The following RFX8 variants were observed in gnomAD, a reference collection of about 807,000 sequenced individuals.
The protein encoded by RFX8 is DNA-binding protein RFX8.
RFX8 carries 46 observed loss-of-function variants against 54.6 expected under a neutral mutation model. The observed-to-expected ratio is 0.84, with a 90% CI of 0.67 to 1.08. The LOEUF is 1.08. Ranked by LOEUF, RFX8 falls within the 50% of genes least tolerant of loss-of-function variation. RFX8 has a pLI of 0.00. For missense variants in RFX8, 536 were observed against 562.3 expected (o/e 0.95, Z 0.47); for synonymous variants, 192 against 209.5 (o/e 0.92, Z 0.72).
chr2:101,433,253 C>G (rs1687592966), intron 2 of RFX8, among the ~76,000 whole-genome samples: 1 of 152,128 alleles, frequency 6.6e-6, no homozygotes, highest in African/African-American at 2.4e-5. Context: ...TTTTCCAGCT[C>G]TCACTGGAAC....
At chr2:101,435,429 G>A (rs1687725847) in intron 2 of RFX8, among the ~76,000 whole-genome samples, 1 of 152,200 alleles carries the variant, frequency 6.6e-6, no homozygotes, top group Non-Finnish European at 1.5e-5. Context: ...GGGGATTCAT[G>A]TTTGGAAAAT....
At chr2:101,452,261 G>A in intron 2 of RFX8, 1 of 524,622 alleles carries the variant, frequency 1.9e-6, no homozygotes, top group Non-Finnish European at 3.3e-6. Context: ...TGCGAATTGT[G>A]GACACTCTTT....
intron 2 of RFX8, among the ~76,000 whole-genome samples, chr2:101,426,562 T>C (rs1687181610): frequency 6.6e-6 from 1 of 152,116 alleles, no homozygotes; most frequent in Admixed American, 6.5e-5. Context: ...ATGACAAATA[T>C]GTATAAACAA....
chr2:101,434,735 A>C (rs201838104), intron 2 of RFX8: 1 of 13,970 alleles, frequency 7.2e-5, no homozygotes, highest in African/African-American at 1.2e-4. Context: ...ACAGCAACCA[A>C]GGTAATACAT....
At chr2:101,440,921 C>T (rs4851441) in intron 2 of RFX8, among the ~76,000 whole-genome samples, 113,710 of 150,286 alleles carry the variant, frequency 0.76, 44,000 homozygotes, top group Middle Eastern at 0.88. Flanking sequence ...ATATAAGGTC[C>T]TTGTTATGGT....
intron 2 of RFX8, among the ~76,000 whole-genome samples, chr2:101,463,812 G>A (rs1689421389): frequency 6.6e-6 from 1 of 152,206 alleles, no homozygotes; most frequent in African/African-American, 2.4e-5. Context: ...AGGAGGCAGA[G>A]GGAGGGAAGA....
At chr2:101,468,344 G>A (rs916092872) in intron 1 of RFX8, among the ~76,000 whole-genome samples, 2 of 152,168 alleles carry the variant, frequency 1.3e-5, no homozygotes, top group African/African-American at 2.4e-5. Flanking sequence ...GGTGATTGCT[G>A]GAAATCCTCG....
intron 2 of RFX8, among the ~76,000 whole-genome samples, chr2:101,424,416 G>C (rs1345757146): frequency 6.6e-6 from 1 of 152,160 alleles, no homozygotes; most frequent in Non-Finnish European, 1.5e-5. Flanking sequence ...TTACACTGTT[G>C]GTGGAGTGTA....
chr2:101,444,167 C>A (rs1688250876), intron 2 of RFX8, among the ~76,000 whole-genome samples: 2 of 152,162 alleles, frequency 1.3e-5, no homozygotes, highest in South Asian at 4.1e-4. Context: ...GAGACCCAGG[C>A]CCAGACACTC....
intron 2 of RFX8, among the ~76,000 whole-genome samples, chr2:101,447,158 C>T (rs1211829668): frequency 1.3e-5 from 2 of 152,130 alleles, no homozygotes; most frequent in African/African-American, 4.8e-5. Flanking sequence ...TCCTGAAGAC[C>T]CTGCCTCTAA....
chr2:101,434,349 T>C (rs988755893), intron 2 of RFX8, among the ~76,000 whole-genome samples: 1 of 152,252 alleles, frequency 6.6e-6, no homozygotes, highest in Non-Finnish European at 1.5e-5. Flanking sequence ...AGCTGTTTTC[T>C]GCATTGGGGC....
chr2:101,443,494 C>T (rs920988448), intron 2 of RFX8, among the ~76,000 whole-genome samples: 5 of 152,158 alleles, frequency 3.3e-5, no homozygotes, highest in Admixed American at 1.3e-4. Context: ...TATTACAAAT[C>T]ATGTACAGGG....
intron 11 of RFX8, among the ~76,000 whole-genome samples, chr2:101,402,081 G>A (rs926674083): frequency 1.4e-4 from 22 of 152,304 alleles, no homozygotes; most frequent in Admixed American, 1.3e-3. Flanking sequence ...CGACGTTTCC[G>A]TCTTTGAACA....
chr2:101,451,278 G>A (rs914651732), intron 2 of RFX8, among the ~76,000 whole-genome samples: 1 of 152,150 alleles, frequency 6.6e-6, no homozygotes, highest in African/African-American at 2.4e-5. Context: ...TGGCTTCAAT[G>A]TCTTCTCGCT....
At chr2:101,413,163 G>C in intron 7 of RFX8, 92 bp from the exon 8 acceptor site, 1 of 1,014,222 alleles carries the variant, frequency 9.9e-7, no homozygotes, top group East Asian at 2.6e-5. Flanking sequence ...TTTTGTTGTG[G>C]GGGAGAAAGA....
intron 2 of RFX8, among the ~76,000 whole-genome samples, chr2:101,461,262 C>CAAAAAAAA (rs11350961): frequency 1.1e-4 from 10 of 89,886 alleles, no homozygotes; most frequent in Admixed American, 4.3e-4. Flanking sequence ...GACTCCATCT[C>CAAAAAAAA]AAAAAAAAAA....
At chr2:101,443,011 G>A (rs372549108) in intron 2 of RFX8, among the ~76,000 whole-genome samples, 1 of 152,184 alleles carries the variant, frequency 6.6e-6, no homozygotes, top group African/African-American at 2.4e-5. Context: ...ACCCAGGAAG[G>A]AAGGAGAGTA....
At chr2:101,423,443 G>T (rs1465598979) in intron 2 of RFX8, among the ~76,000 whole-genome samples, 2 of 152,072 alleles carry the variant, frequency 1.3e-5, no homozygotes, top group Non-Finnish European at 2.9e-5. Context: ...TATTTGAAAT[G>T]ATTTCTTCAG....
chr2:101,474,557 C>T (rs997105967), intron 1 of RFX8, 79 bp downstream of exon 1: 3 of 297,844 alleles, frequency 1.0e-5, no homozygotes, highest in African/African-American at 6.6e-5. Context: ...CTGGAGCTGC[C>T]TCCCGCTCTC....
Sources: gnomAD v4.1 joint callset for allele counts (sites outside exome capture counted in the v4.1 genomes callset) on GRCh38, gnomAD v4.1.1 for gene constraint, MANE v1.5 for transcripts, NCBI Gene and HGNC (gene_info 2026-07-23, HGNC 2026-07-21) for gene names.